Variants in TMEM17 observed in about 807,000 individuals in gnomAD.
The protein encoded by TMEM17 is transmembrane protein 17.
In TMEM17, 15 loss-of-function variants were observed where a neutral mutation model predicts 19.1. The ratio of observed to expected loss-of-function variants is 0.78; its 90% confidence interval spans 0.52 to 1.21. TMEM17 has a LOEUF of 1.21. TMEM17 is among the 50% of genes most tolerant of loss of function. The pLI, the probability that TMEM17 is intolerant of heterozygous loss-of-function variation, is 0.00. For synonymous variants in TMEM17, 103 were observed against 86.9 expected (o/e 1.19, Z -1.03); for missense variants, 245 against 242.3 (o/e 1.01, Z -0.07).
At chr2:62,465,313 G>T in the TMEM17 span, among the ~76,000 whole-genome samples, 1 of 152,172 alleles carries the variant, frequency 6.6e-6, no homozygotes, top group South Asian at 2.1e-4. Flanking sequence ...TCAGAAATTT[G>T]TGGAGGTATG....
the TMEM17 span, among the ~76,000 whole-genome samples, chr2:62,459,922 C>T: frequency 8.0e-4 from 122 of 152,224 alleles, no homozygotes; most frequent in Non-Finnish European, 1.5e-3. Flanking sequence ...CAGGTGGGCA[C>T]CACCGTGCCC....
the TMEM17 span, among the ~76,000 whole-genome samples, chr2:62,478,036 G>A: frequency 6.6e-6 from 1 of 152,194 alleles, no homozygotes. Flanking sequence ...TTTACTGGGA[G>A]GATCTCTACT....
chr2:62,499,590 T>C (rs942753161), downstream of TMEM17, among the ~76,000 whole-genome samples: 3 of 152,162 alleles, frequency 2.0e-5, no homozygotes, highest in Admixed American at 2.0e-4. Flanking sequence ...ATTAGCATAG[T>C]TTGGTCAGGA....
chr2:62,480,130 G>T, the TMEM17 span, among the ~76,000 whole-genome samples: 1 of 151,994 alleles, frequency 6.6e-6, no homozygotes, highest in Non-Finnish European at 1.5e-5. Context: ...ATATCTCATT[G>T]TGGTTTTGAT....
chr2:62,473,764 T>C, the TMEM17 span, among the ~76,000 whole-genome samples: 2 of 152,226 alleles, frequency 1.3e-5, no homozygotes, highest in Non-Finnish European at 2.9e-5. Flanking sequence ...AAGGACATGT[T>C]GGTGGAACTA....
At chr2:62,482,130 A>C in the TMEM17 span, among the ~76,000 whole-genome samples, 1 of 152,248 alleles carries the variant, frequency 6.6e-6, no homozygotes. Flanking sequence ...GTGAGTGACA[A>C]AATGGCTGCT....
the TMEM17 span, among the ~76,000 whole-genome samples, chr2:62,486,216 C>T: frequency 1.3e-5 from 2 of 152,136 alleles, no homozygotes; most frequent in South Asian, 4.2e-4. Context: ...AGGGGACCCT[C>T]CAGGGCAGGA....
At chr2:62,504,629 C>A (rs577101374) in intron 1 of TMEM17, among the ~76,000 whole-genome samples, 1 of 152,118 alleles carries the variant, frequency 6.6e-6, no homozygotes, top group African/African-American at 2.4e-5. Flanking sequence ...CATAAACTTA[C>A]TAAATTTTGC....
At chr2:62,486,291 A>G in the TMEM17 span, among the ~76,000 whole-genome samples, 1 of 152,102 alleles carries the variant, frequency 6.6e-6, no homozygotes, top group Non-Finnish European at 1.5e-5. Flanking sequence ...TGTGGACAAA[A>G]ATCAGTTTGG....
chr2:62,488,716 A>T, the TMEM17 span, among the ~76,000 whole-genome samples: 1 of 151,782 alleles, frequency 6.6e-6, no homozygotes, highest in Non-Finnish European at 1.5e-5. Flanking sequence ...AAAAATCTCC[A>T]ACCTACAAAG....
At chr2:62,456,163 C>A in the TMEM17 span, among the ~76,000 whole-genome samples, 2 of 152,204 alleles carry the variant, frequency 1.3e-5, no homozygotes, top group Admixed American at 1.3e-4. Flanking sequence ...CGTCCTGTGG[C>A]TGCTGTAACA....
chr2:62,461,275 G>A, the TMEM17 span, among the ~76,000 whole-genome samples: 1 of 152,196 alleles, frequency 6.6e-6, no homozygotes, highest in Admixed American at 6.5e-5. Context: ...AACGTAAACA[G>A]GCCAGGCCAA....
chr2:62,493,316 C>T, the TMEM17 span, among the ~76,000 whole-genome samples: 4 of 152,138 alleles, frequency 2.6e-5, no homozygotes, highest in Non-Finnish European at 5.9e-5. Context: ...GCATGAGCCA[C>T]GATGCCCAGC....
At chr2:62,473,934 G>A in the TMEM17 span, among the ~76,000 whole-genome samples, 1 of 152,094 alleles carries the variant, frequency 6.6e-6, no homozygotes, top group African/African-American at 2.4e-5. Context: ...GAAGTAAGAG[G>A]GGCTGGGTGT....
At chr2:62,467,281 C>T in the TMEM17 span, among the ~76,000 whole-genome samples, 1 of 150,624 alleles carries the variant, frequency 6.6e-6, no homozygotes, top group Non-Finnish European at 1.5e-5. Flanking sequence ...ATTGCAGGAT[C>T]CCCAGGTGGT....
the TMEM17 span, among the ~76,000 whole-genome samples, chr2:62,464,457 G>A: frequency 2.0e-5 from 3 of 152,218 alleles, no homozygotes; most frequent in African/African-American, 4.8e-5. Flanking sequence ...CCCCTGTCAC[G>A]AGTCCCACAG....
chr2:62,480,711 A>G, the TMEM17 span, among the ~76,000 whole-genome samples: 1 of 152,028 alleles, frequency 6.6e-6, no homozygotes, highest in Non-Finnish European at 1.5e-5. Context: ...AAAAAAATCT[A>G]CTGGCTATAG....
the TMEM17 span, among the ~76,000 whole-genome samples, chr2:62,494,303 T>C: frequency 6.6e-6 from 1 of 152,228 alleles, no homozygotes; most frequent in African/African-American, 2.4e-5. Flanking sequence ...TCCAGCCTTC[T>C]TTAGCAAGGG....
At position 62,506,173 on chromosome 2, in the gene TMEM17, C is replaced by T. The variant is rs766384427; in HGVS notation, c.-44G>A. 3.3e-6 allele frequency: 5 copies of T among 1,523,192 alleles called. No individual in the cohort carries two copies. The highest frequency in any genetic ancestry group is 1.2e-5 in the South Asian group (1 of 81,718). The allele number at this position is 1,523,192 out of a possible 1,614,324, so 94.4% of individuals were successfully genotyped here. On this transcript the variant is annotated 5_prime_UTR_variant, in exon 1 of 4. Coordinates refer to ENST00000335390, the MANE Select transcript of TMEM17 (RefSeq NM_198276.3). ...CTCACCCCCTCAGACACGGGCTAGT[C>T]TGCGGGCGCTCCGAGGCTCCGTGGT...
Sources: gnomAD v4.1 joint callset for allele counts (sites outside exome capture counted in the v4.1 genomes callset) on GRCh38, gnomAD v4.1.1 for gene constraint, MANE v1.5 for transcripts, NCBI Gene and HGNC (gene_info 2026-07-23, HGNC 2026-07-21) for gene names.